The following RMST variants were observed in gnomAD, a reference collection of about 807,000 sequenced individuals.
The protein encoded by RMST is rhabdomyosarcoma 2 associated transcript, also known as long intergenic non-protein coding RNA 54.
chr12:97,480,512 C>T (rs1451493342), intron 5 of RMST, among the ~76,000 whole-genome samples: 1 of 152,188 alleles, frequency 6.6e-6, no homozygotes, highest in Admixed American at 6.5e-5. Flanking sequence ...ACCTTTCTTC[C>T]ATCAGCCTTG....
At chr12:97,564,124 AC>A (rs1884356898) in intron 13 of RMST, 1 of 309,426 alleles carries the variant, frequency 3.2e-6, no homozygotes, top group South Asian at 3.0e-5. Flanking sequence ...TGTTTATCAT[AC>A]ATTTTTCTCC....
At chr12:97,521,587 T>G (rs188760243) in intron 10 of RMST, among the ~76,000 whole-genome samples, 14 of 152,284 alleles carry the variant, frequency 9.2e-5, no homozygotes, top group Admixed American at 4.6e-4. Flanking sequence ...AACATTCAGA[T>G]AACTTTCTTT....
intron 5 of RMST, among the ~76,000 whole-genome samples, chr12:97,470,276 C>A (rs1047862740): frequency 6.6e-6 from 1 of 152,098 alleles, no homozygotes; most frequent in Non-Finnish European, 1.5e-5. Flanking sequence ...GTGTGCCCAA[C>A]TGACATACTG....
chr12:97,561,132 T>C (rs971371239), intron 13 of RMST: 2 of 152,246 alleles, frequency 1.3e-5, no homozygotes, highest in African/African-American at 4.8e-5. Context: ...TACATGTATT[T>C]CCTAACTAAA....
chr12:97,536,342 A>G (rs969157866), intron 11 of RMST, among the ~76,000 whole-genome samples: 3 of 151,626 alleles, frequency 2.0e-5, no homozygotes, highest in Non-Finnish European at 3.0e-5. Flanking sequence ...TCTTATGAGA[A>G]TAAAAGAATT....
intron 11 of RMST, among the ~76,000 whole-genome samples, chr12:97,555,233 C>A (rs1883616380): frequency 6.6e-6 from 1 of 152,138 alleles, no homozygotes; most frequent in Admixed American, 6.6e-5. Flanking sequence ...TTTGGAAGAG[C>A]TCTAATGACA....
At chr12:97,529,607 T>C (rs959932908) in intron 10 of RMST, among the ~76,000 whole-genome samples, 40 of 152,110 alleles carry the variant, frequency 2.6e-4, no homozygotes, top group African/African-American at 9.7e-4. Context: ...ATTTTGTTGA[T>C]ACTCAGACAT....
intron 11 of RMST, among the ~76,000 whole-genome samples, chr12:97,549,229 A>T (rs1274972679): frequency 6.6e-6 from 1 of 152,200 alleles, no homozygotes; most frequent in Non-Finnish European, 1.5e-5. Context: ...TTCAGAAAAG[A>T]GTATGTTTTA....
rs542028285 is a variant in RMST at position 97,491,575 on chromosome 12, C to G, written n.645-886C>G. 184 of 184,214 alleles carry G rather than the reference C, an allele frequency of 1.0e-3. 1 individual carries two copies. Among genetic ancestry groups the G allele is most frequent in the African/African-American group, 4.0e-3 (173 of 43,722 alleles). The allele number at this position is 184,214 out of a possible 1,614,324, so 11.4% of individuals were successfully genotyped here. On this transcript the variant is annotated intron_variant and non_coding_transcript_variant, in intron 5 of 13. Transcript: ENST00000640149. The stretch of plus-strand genomic sequence containing the variant: ...CTCTATTAATATAAGATTAGCATTG[C>G]GAGCTTAACCTGGACCAGTTGGGAA...
chr12:97,525,730 C>G (rs1274593722), intron 10 of RMST, among the ~76,000 whole-genome samples: 6 of 152,108 alleles, frequency 3.9e-5, no homozygotes, highest in Non-Finnish European at 8.8e-5. Flanking sequence ...GGGTAATATA[C>G]CAGGGGCCCC....
intron 11 of RMST, among the ~76,000 whole-genome samples, chr12:97,534,689 C>T (rs1368369227): frequency 1.3e-5 from 2 of 151,614 alleles, no homozygotes; most frequent in South Asian, 2.1e-4. Context: ...TTTATGTTGC[C>T]TTTGTTTTCT....
At chr12:97,501,655 A>G (rs902634631) in intron 10 of RMST, among the ~76,000 whole-genome samples, 1 of 152,210 alleles carries the variant, frequency 6.6e-6, no homozygotes, top group Non-Finnish European at 1.5e-5. Flanking sequence ...CTTGCTGGGC[A>G]GAGCAAGTTA....
At chr12:97,520,500 C>G (rs936247193) in intron 10 of RMST, among the ~76,000 whole-genome samples, 1 of 151,986 alleles carries the variant, frequency 6.6e-6, no homozygotes, top group East Asian at 1.9e-4. Flanking sequence ...AGTGGGTGCT[C>G]CTAAATTAAA....
intron 11 of RMST, among the ~76,000 whole-genome samples, chr12:97,534,987 G>A (rs1881957469): frequency 6.6e-6 from 1 of 151,636 alleles, no homozygotes; most frequent in African/African-American, 2.4e-5. Context: ...GGACTAAGGA[G>A]AGATAGCAAG....
chr12:97,549,140 T>C (rs1565937882), intron 11 of RMST, among the ~76,000 whole-genome samples: 2 of 152,174 alleles, frequency 1.3e-5, no homozygotes, highest in Non-Finnish European at 2.9e-5. Flanking sequence ...CTGCACATCA[T>C]TAGCATTCAA....
chr12:97,523,064 T>C (rs1880680041), intron 10 of RMST, among the ~76,000 whole-genome samples: 1 of 152,240 alleles, frequency 6.6e-6, no homozygotes, highest in Non-Finnish European at 1.5e-5. Flanking sequence ...AAAATATTGT[T>C]ACTGATTGAA....
At chr12:97,498,649 C>A (rs1389469088) in intron 10 of RMST, among the ~76,000 whole-genome samples, 4 of 152,098 alleles carry the variant, frequency 2.6e-5, no homozygotes, top group African/African-American at 9.7e-5. Context: ...AAAGAAAATT[C>A]TGTCAGGCAA....
chr12:97,474,559 C>T (rs1874303245), intron 5 of RMST, among the ~76,000 whole-genome samples: 1 of 132,990 alleles, frequency 7.5e-6, no homozygotes, highest in Non-Finnish European at 1.5e-5. Flanking sequence ...TACTTAGAGA[C>T]AGTATGTCTG....
chr12:97,481,449 A>G (rs1027684114), intron 5 of RMST, among the ~76,000 whole-genome samples: 1 of 152,182 alleles, frequency 6.6e-6, no homozygotes, highest in Non-Finnish European at 1.5e-5. Context: ...TCACATACTA[A>G]GAACACGGAT....
Sources: allele counts gnomAD v4.1 joint callset (sites outside exome capture counted in the v4.1 genomes callset), GRCh38; gene constraint gnomAD v4.1.1; transcripts MANE v1.5; gene names NCBI Gene and HGNC (gene_info 2026-07-23, HGNC 2026-07-21).